The following PLSCR2 variants were observed in gnomAD, a reference collection of about 807,000 sequenced individuals.
PLSCR2 encodes the protein phospholipid scramblase 2, also known as PL scramblase 2.
Under a neutral mutation model 25.3 loss-of-function variants are expected in PLSCR2, and 18 were observed. The ratio of observed to expected loss-of-function variants is 0.71; its 90% CI spans 0.49 to 1.06. PLSCR2 has a LOEUF of 1.06. Ranked by LOEUF, PLSCR2 falls within the 50% of genes least tolerant of loss-of-function variation. The pLI, the probability that PLSCR2 is intolerant of heterozygous loss-of-function variation, is 0.00. For synonymous variants in PLSCR2, 88 were observed against 87.3 expected, an observed-to-expected ratio of 1.01 and a Z score of -0.04; for missense variants, 243 against 269.5, an observed-to-expected ratio of 0.90 and a Z score of 0.69.
intron 3 of PLSCR2, among the ~76,000 whole-genome samples, chr3:146,393,582 G>A (rs1427836349): frequency 1.3e-5 from 2 of 151,498 alleles, no homozygotes; most frequent in African/African-American, 2.4e-5. Flanking sequence ...AGGCCGAGGC[G>A]GGCAGATCAC....
intron 1 of PLSCR2, among the ~76,000 whole-genome samples, chr3:146,472,766 C>T (rs887588728): frequency 6.6e-5 from 10 of 152,180 alleles, no homozygotes; most frequent in Admixed American, 5.2e-4. Context: ...ACAATAGCAA[C>T]ATCTGTCTTA....
chr3:146,394,154 G>A (rs1455243633), intron 3 of PLSCR2, among the ~76,000 whole-genome samples: 2 of 151,514 alleles, frequency 1.3e-5, no homozygotes, highest in African/African-American at 2.4e-5. Context: ...CTTTCTTGTG[G>A]TTAGTATTTA....
chr3:146,409,388 G>A (rs1223683741), intron 2 of PLSCR2, among the ~76,000 whole-genome samples: 4 of 152,000 alleles, frequency 2.6e-5, no homozygotes, highest in African/African-American at 7.3e-5. Context: ...CAGGGGGAGC[G>A]AGCCGGCTGA....
chr3:146,401,481 C>G (rs2108000480), intron 2 of PLSCR2: 1 of 152,600 alleles, frequency 6.6e-6, no homozygotes, highest in African/African-American at 2.4e-5. Flanking sequence ...GCAATTATTT[C>G]TCTCTTCTGC....
At chr3:146,427,562 A>G (rs1274470165) in intron 2 of PLSCR2, among the ~76,000 whole-genome samples, 1 of 152,204 alleles carries the variant, frequency 6.6e-6, no homozygotes, top group Non-Finnish European at 1.5e-5. Flanking sequence ...ACAAGAATAC[A>G]AAGCTAATGG....
At chr3:146,482,481 A>C (rs182900076) in intron 1 of PLSCR2, among the ~76,000 whole-genome samples, 3 of 152,356 alleles carry the variant, frequency 2.0e-5, no homozygotes, top group East Asian at 3.9e-4. Flanking sequence ...AAAGATGCTC[A>C]TCATCACTGG....
At chr3:146,430,819 C>T (rs552298716), downstream of PLSCR2, among the ~76,000 whole-genome samples, 3 of 149,202 alleles carry the variant, frequency 2.0e-5, no homozygotes, top group East Asian at 6.0e-4. Context: ...CTTGTTCTTT[C>T]CCTCCCTCTT....
chr3:146,423,234 C>CCTCTCTGCCTCT (rs2039212018), intron 2 of PLSCR2, among the ~76,000 whole-genome samples: 2 of 53,446 alleles, frequency 3.7e-5, no homozygotes, highest in East Asian at 1.5e-3. Flanking sequence ...CCTTGCAGTG[C>CCTCTCTGCCTCT]CTCTCTCTCT....
intron 1 of PLSCR2, among the ~76,000 whole-genome samples, chr3:146,480,320 C>T (rs554522534): frequency 1.7e-4 from 26 of 152,018 alleles, no homozygotes; most frequent in African/African-American, 6.3e-4. Flanking sequence ...AAAAGATCAA[C>T]AAAACTGATA....
intron 8 of PLSCR2, among the ~76,000 whole-genome samples, chr3:146,436,122 A>C (rs1445042419): frequency 2.0e-5 from 3 of 151,984 alleles, no homozygotes; most frequent in African/African-American, 7.3e-5. Flanking sequence ...GTTCTGTTCC[A>C]TTGGTCTATA....
intron 1 of PLSCR2, among the ~76,000 whole-genome samples, chr3:146,482,807 A>G (rs191289008): frequency 1.6e-4 from 24 of 152,312 alleles, no homozygotes; most frequent in African/African-American, 5.8e-4. Context: ...TCACAATAGC[A>G]AAGACTTGGA....
At chr3:146,428,332 TA>T (rs758358204), downstream of PLSCR2, among the ~76,000 whole-genome samples, 11 of 152,144 alleles carry the variant, frequency 7.2e-5, no homozygotes, top group Non-Finnish European at 1.3e-4. Flanking sequence ...CAGACAGAAA[TA>T]ACCTCAATAT....
At chr3:146,412,245 T>C (rs1229689953) in intron 2 of PLSCR2, among the ~76,000 whole-genome samples, 2 of 152,150 alleles carry the variant, frequency 1.3e-5, no homozygotes, top group Non-Finnish European at 2.9e-5. Flanking sequence ...GACCCTACAG[T>C]AATGTGGTCT....
downstream of PLSCR2, among the ~76,000 whole-genome samples, chr3:146,439,494 A>C (rs1035570162): frequency 6.6e-6 from 1 of 151,838 alleles, no homozygotes; most frequent in African/African-American, 2.4e-5. Context: ...TTTTTCTCTA[A>C]ACTTCTCTTC....
intron 1 of PLSCR2, among the ~76,000 whole-genome samples, chr3:146,472,339 G>A (rs1159849215): frequency 6.6e-6 from 1 of 152,124 alleles, no homozygotes; most frequent in Non-Finnish European, 1.5e-5. Context: ...TATTCAAAGA[G>A]GTATTAAAAT....
intron 1 of PLSCR2, among the ~76,000 whole-genome samples, chr3:146,484,273 A>G (rs2043262717): frequency 6.6e-6 from 1 of 151,120 alleles, no homozygotes; most frequent in African/African-American, 2.4e-5. Flanking sequence ...AAAACCTCCG[A>G]CAACTATGGG....
chr3:146,416,123 T>A (rs1278054728), intron 2 of PLSCR2, among the ~76,000 whole-genome samples: 2 of 151,940 alleles, frequency 1.3e-5, no homozygotes, highest in East Asian at 3.9e-4. Flanking sequence ...GCTAATTTTT[T>A]GTATTTTTAG....
chr3:146,482,172 A>G (rs186745416), intron 1 of PLSCR2, among the ~76,000 whole-genome samples: 12 of 152,346 alleles, frequency 7.9e-5, no homozygotes, highest in African/African-American at 2.6e-4. Context: ...ATGGGCAAGG[A>G]CTTCATGACT....
intron 2 of PLSCR2, among the ~76,000 whole-genome samples, chr3:146,400,708 T>C (rs1306818776): frequency 1.3e-5 from 2 of 151,868 alleles, no homozygotes; most frequent in Non-Finnish European, 3.0e-5. Flanking sequence ...AGAAGGCTTG[T>C]ACTACCTGAT....
Sources: allele counts gnomAD v4.1 joint callset (sites outside exome capture counted in the v4.1 genomes callset), GRCh38; gene constraint gnomAD v4.1.1; transcripts MANE v1.5; gene names NCBI Gene and HGNC (gene_info 2026-07-23, HGNC 2026-07-21).